ST8SIA2: variants seen among roughly 807,000 people sequenced by gnomAD.
ST8SIA2 encodes the protein ST8 alpha-N-acetyl-neuraminide alpha-2,8-sialyltransferase 2, also known as alpha-2,8-sialyltransferase 8B.
In ST8SIA2, 22 loss-of-function variants were observed where a neutral mutation model predicts 37.6. The observed-to-expected ratio is 0.58, with a 90% CI of 0.42 to 0.83. The LOEUF (loss-of-function observed/expected upper bound fraction) is 0.83, where lower values mean the gene tolerates loss of function less well. Ranked by LOEUF, ST8SIA2 falls within the 40% of genes least tolerant of loss-of-function variation. The probability of loss-of-function intolerance (pLI) is 0.00; values close to 1 mark genes in which losing one functional copy is unlikely to be tolerated. For synonymous variants in ST8SIA2, 205 were observed against 201.2 expected, an observed-to-expected ratio of 1.02 and a Z score of -0.16; for missense variants, 382 against 484.7, an observed-to-expected ratio of 0.79 and a Z score of 1.99.
chr15:92,408,855 G>A (rs1055326539), intron 1 of ST8SIA2, among the ~76,000 whole-genome samples: 21 of 151,942 alleles, frequency 1.4e-4, no homozygotes, highest in South Asian at 4.2e-4. Flanking sequence ...ACAGGTGTGC[G>A]CCACCATGCC....
chr15:92,420,312 C>T (rs759036309), intron 1 of ST8SIA2, among the ~76,000 whole-genome samples: 15 of 152,154 alleles, frequency 9.9e-5, no homozygotes, highest in Non-Finnish European at 1.5e-4. Flanking sequence ...GTCCCCCCGC[C>T]GGTTATAGGT....
At chr15:92,460,522 T>C (rs1162230017) in intron 5 of ST8SIA2, among the ~76,000 whole-genome samples, 2 of 152,222 alleles carry the variant, frequency 1.3e-5, no homozygotes, top group African/African-American at 4.8e-5. Flanking sequence ...ATTCTTCTCC[T>C]CTTTACAGTC....
chr15:92,413,202 G>C (rs556499448), intron 1 of ST8SIA2, among the ~76,000 whole-genome samples: 2 of 152,268 alleles, frequency 1.3e-5, no homozygotes, highest in South Asian at 4.1e-4. Flanking sequence ...GAAAAAGAAA[G>C]GCATGTTAAT....
At chr15:92,436,505 G>A (rs1303934908) in intron 3 of ST8SIA2, among the ~76,000 whole-genome samples, 5 of 152,176 alleles carry the variant, frequency 3.3e-5, no homozygotes, top group Non-Finnish European at 7.3e-5. Flanking sequence ...AAGTGATTTG[G>A]AATGATGTTT....
In ST8SIA2 at chr15:92,464,262, C is replaced by G. The variant is rs762341121; in HGVS notation, c.1005C>G (p.Leu335=). The part of the protein sequence containing the change: ...NPVKYHYYDS[L]KYGYTSQASP... ...TCAAGTACCACTATTATGACAGCCT[C>G]AAGTATGGCTACACCTCCCAGGCCA... Residue 335 remains leucine, a synonymous_variant, in exon 6 of 6, where the codon CTC becomes CTG. Coordinates refer to ENST00000268164, the MANE Select transcript of ST8SIA2 (RefSeq NM_006011.4). 3.1e-6 allele frequency: 5 copies of G among 1,613,882 alleles called. No homozygotes were observed. The South Asian group carries it at 3.3e-5, about 11-fold the overall frequency.
At position 92,441,577 on chromosome 15, in the gene ST8SIA2, GCACACACACACACACACACA is replaced by G. The variant is rs112388744; in HGVS notation, c.548+2991_548+3010del. On this transcript the variant is annotated intron_variant, in intron 4 of 5. Coordinates refer to ENST00000268164, the MANE Select transcript of ST8SIA2 (RefSeq NM_006011.4). ...TGGGGAACAGAACTTCACTGTGCAT[GCACACACACACACACACACA>G]CACACACACACACACACACACACGC... 3.1e-3 allele frequency among the ~76,000 whole-genome samples: 440 copies of G among 143,362 alleles called. 4 individuals are homozygous for G. Among genetic ancestry groups the G allele is most frequent in the African/African-American group, 0.011 (410 of 38,690 alleles). 94.1% of individuals were successfully genotyped at this position (143,362 alleles called of 152,430 possible).
chr15:92,406,298 G>A (rs1402628204), intron 1 of ST8SIA2, among the ~76,000 whole-genome samples: 4 of 152,192 alleles, frequency 2.6e-5, no homozygotes, highest in Non-Finnish European at 4.4e-5. Context: ...CAGGCCTGGG[G>A]CAGGGCCTGA....
In ST8SIA2 at chr15:92,430,257, T is replaced by TG. The variant is rs1567216941; in HGVS notation, c.161+152dup. 10 of 820,296 alleles carry TG rather than the reference T, an allele frequency of 1.2e-5. No individual in the cohort carries two copies. In the East Asian group the frequency reaches 1.6e-4, roughly 13 times the overall value. 50.8% of individuals were successfully genotyped at this position (820,296 alleles called of 1,614,324 possible). A position where few individuals can be genotyped will look rare whatever the true frequency, so the allele number is the denominator to read the frequency against. On this transcript the variant is annotated intron_variant, in intron 2 of 5. Coordinates refer to ENST00000268164, the MANE Select transcript of ST8SIA2 (RefSeq NM_006011.4). ...GGCTTTGCATTTCCCTAATCACTTT[T>TG]GGGGGGAGCTGTCAATGGAAGATCA...
chr15:92,430,149 G>C, intron 2 of ST8SIA2, 38 bp downstream of exon 2: 1 of 1,595,304 alleles, frequency 6.3e-7, no homozygotes, highest in Non-Finnish European at 8.6e-7. Context: ...TGTTTTTGCT[G>C]TAAGGCAGCT....
At chr15:92,394,812 C>T (rs2049418127) in intron 1 of ST8SIA2, among the ~76,000 whole-genome samples, 1 of 152,218 alleles carries the variant, frequency 6.6e-6, no homozygotes, top group African/African-American at 2.4e-5. Flanking sequence ...GGACGTTCAG[C>T]CAAGCCACGG....
chr15:92,450,331 A>G (rs924670051), intron 5 of ST8SIA2, among the ~76,000 whole-genome samples: 5 of 152,246 alleles, frequency 3.3e-5, no homozygotes, highest in Admixed American at 2.6e-4. Context: ...CAAATGGCCA[A>G]TAAGTACGTG....
At chr15:92,462,110 A>C (rs1390485444) in intron 5 of ST8SIA2, among the ~76,000 whole-genome samples, 4 of 143,052 alleles carry the variant, frequency 2.8e-5, no homozygotes, top group African/African-American at 1.2e-4. Context: ...GGGCCACCCA[A>C]GGAGGCTCCT....
intron 5 of ST8SIA2, among the ~76,000 whole-genome samples, chr15:92,460,637 A>G (rs2050685428): frequency 6.6e-6 from 1 of 152,248 alleles, no homozygotes; most frequent in African/African-American, 2.4e-5. Context: ...CCCCAAGCTC[A>G]GCATCAAACA....
At chr15:92,456,869 T>C (rs2049923348) in intron 5 of ST8SIA2, among the ~76,000 whole-genome samples, 1 of 152,024 alleles carries the variant, frequency 6.6e-6, no homozygotes, top group Non-Finnish European at 1.5e-5. Context: ...TGAGCAAGAG[T>C]GTTGGCTTAG....
intron 5 of ST8SIA2, among the ~76,000 whole-genome samples, chr15:92,456,121 G>C (rs952527072): frequency 2.0e-5 from 3 of 152,262 alleles, no homozygotes; most frequent in African/African-American, 7.2e-5. Flanking sequence ...GGCCACAGGG[G>C]ACAGAGATGA....
intron 3 of ST8SIA2, among the ~76,000 whole-genome samples, chr15:92,435,779 G>A (rs1340387591): frequency 3.3e-5 from 5 of 151,934 alleles, no homozygotes; most frequent in East Asian, 3.9e-4. Flanking sequence ...TCCCCCTCAC[G>A]AAGCCCTAAC....
At chr15:92,429,044 C>A (rs1023304904) in intron 1 of ST8SIA2, among the ~76,000 whole-genome samples, 26 of 152,108 alleles carry the variant, frequency 1.7e-4, no homozygotes, top group African/African-American at 6.0e-4. Flanking sequence ...CAATAACTCC[C>A]CCCGCAGTGT....
intron 5 of ST8SIA2, among the ~76,000 whole-genome samples, chr15:92,446,896 G>T (rs774295477): frequency 6.6e-6 from 1 of 152,146 alleles, no homozygotes; most frequent in African/African-American, 2.4e-5. Flanking sequence ...AGGGGAAGGA[G>T]ATGATGTTGG....
At position 92,465,729 on chromosome 15, in the gene ST8SIA2, A is replaced by C. The variant is rs2049987455; in HGVS notation, c.*1344A>C. Reference sequence around the variant, plus strand: ...AGAAGCAATTTTAGAATTTTGCAAAATTCTTTTCCCCTTATTGAGATTAAT... The same window carrying C: ...AGAAGCAATTTTAGAATTTTGCAAACTTCTTTTCCCCTTATTGAGATTAAT... On this transcript the variant is annotated 3_prime_UTR_variant, in exon 6 of 6. Coordinates refer to ENST00000268164, the MANE Select transcript of ST8SIA2 (RefSeq NM_006011.4). 1 of 152,090 alleles carries C rather than the reference A, an allele frequency of 6.6e-6. No individual in the cohort carries two copies. The highest frequency in any genetic ancestry group is 2.4e-5 in the African/African-American group (1 of 41,400). 9.4% of individuals were successfully genotyped at this position (152,090 alleles called of 1,614,324 possible).
Sources: gnomAD v4.1 joint callset for allele counts (sites outside exome capture counted in the v4.1 genomes callset) on GRCh38, gnomAD v4.1.1 for gene constraint, MANE v1.5 for transcripts, NCBI Gene and HGNC (gene_info 2026-07-23, HGNC 2026-07-21) for gene names.